Variants in PPARGC1A observed in about 807,000 individuals in gnomAD.
PPARGC1A encodes the protein PPARG coactivator 1 alpha.
A neutral mutation model predicts 88.7 loss-of-function variants in PPARGC1A; 25 were observed. That is an observed-to-expected ratio of 0.28 (90% CI 0.21 to 0.39). The LOEUF is 0.39. Among genes scored for constraint, PPARGC1A ranks in the 10% least tolerant of loss-of-function variants. PPARGC1A has a pLI of 1.00. For missense variants in PPARGC1A, 880 were observed against 968.7 expected, an observed-to-expected ratio of 0.91 and a Z score of 1.22; for synonymous variants, 363 against 355.6, an observed-to-expected ratio of 1.02 and a Z score of -0.24.
At chr4:24,163,966 C>T in the PPARGC1A span, among the ~76,000 whole-genome samples, 1 of 152,154 alleles carries the variant, frequency 6.6e-6, no homozygotes, top group East Asian at 1.9e-4. Flanking sequence ...ACTTCCACTG[C>T]CCTGCTTTCT....
At chr4:23,989,985 ATATG>A in the PPARGC1A span, among the ~76,000 whole-genome samples, 2 of 147,444 alleles carry the variant, frequency 1.4e-5, no homozygotes, top group East Asian at 2.0e-4. Flanking sequence ...ATATACATAT[ATATG>A]TATTTATATA....
chr4:23,934,226 G>A, the PPARGC1A span, among the ~76,000 whole-genome samples: 2 of 152,206 alleles, frequency 1.3e-5, no homozygotes, highest in Non-Finnish European at 2.9e-5. Context: ...CCTAGCATGT[G>A]AGTGTGATGA....
the PPARGC1A span, among the ~76,000 whole-genome samples, chr4:24,071,282 T>C: frequency 7.9e-5 from 12 of 152,170 alleles, no homozygotes; most frequent in Non-Finnish European, 1.8e-4. Flanking sequence ...ATTTCCTCTG[T>C]ATCACTATTA....
the PPARGC1A span, among the ~76,000 whole-genome samples, chr4:24,389,293 T>C: frequency 6.6e-6 from 1 of 152,138 alleles, no homozygotes; most frequent in East Asian, 1.9e-4. Context: ...CTGAACTTCT[T>C]AGCACCTATA....
intron 2 of PPARGC1A, among the ~76,000 whole-genome samples, chr4:23,858,262 A>G (rs1459038866): frequency 6.6e-6 from 1 of 152,156 alleles, no homozygotes; most frequent in Non-Finnish European, 1.5e-5. Context: ...AACCAACTAG[A>G]ACATAAGCTC....
At chr4:24,195,989 C>G in the PPARGC1A span, among the ~76,000 whole-genome samples, 111,424 of 152,134 alleles carry the variant, frequency 0.73, 42,504 homozygotes, top group Middle Eastern at 0.88. Context: ...AGAGACCACA[C>G]TAAATCTCTC....
At chr4:24,080,019 C>T in the PPARGC1A span, among the ~76,000 whole-genome samples, 89 of 151,990 alleles carry the variant, frequency 5.9e-4, 1 homozygote, top group African/African-American at 1.9e-3. Flanking sequence ...ATTTTTTTAA[C>T]TCTCTCATTA....
chr4:24,130,637 G>A, the PPARGC1A span, among the ~76,000 whole-genome samples: 2 of 152,118 alleles, frequency 1.3e-5, no homozygotes, highest in African/African-American at 4.8e-5. Flanking sequence ...CCTAGAAACC[G>A]CCCCACCAAG....
chr4:23,904,217 G>A (rs766067683), upstream of PPARGC1A: 1 of 180,796 alleles, frequency 5.5e-6, no homozygotes, highest in Non-Finnish European at 1.1e-5. Flanking sequence ...AGCCAGATAC[G>A]AACGTAAGAG....
chr4:24,015,145 G>C, the PPARGC1A span, among the ~76,000 whole-genome samples: 3 of 151,988 alleles, frequency 2.0e-5, no homozygotes, highest in Non-Finnish European at 2.9e-5. Context: ...TCATATTTAG[G>C]TCAACAGAAA....
chr4:24,414,021 G>T, the PPARGC1A span, among the ~76,000 whole-genome samples: 2 of 152,186 alleles, frequency 1.3e-5, no homozygotes, highest in East Asian at 1.9e-4. Context: ...ACCCACGGTT[G>T]TCGGTCTCCA....
chr4:24,348,316 G>C, the PPARGC1A span, among the ~76,000 whole-genome samples: 1 of 152,256 alleles, frequency 6.6e-6, no homozygotes, highest in Non-Finnish European at 1.5e-5. Context: ...AATTTCCCAG[G>C]TGTTCTTTGT....
At chr4:24,470,798 A>G in the PPARGC1A span, among the ~76,000 whole-genome samples, 1 of 151,134 alleles carries the variant, frequency 6.6e-6, no homozygotes, top group Admixed American at 6.6e-5. This position sits in a 1 kb window ranked among gnomAD's most constrained non-coding sequence, Gnocchi z 5.8. Context: ...AGCCTCTCCA[A>G]GGCTCCGGGC....
At chr4:24,235,088 A>G in the PPARGC1A span, among the ~76,000 whole-genome samples, 1 of 151,742 alleles carries the variant, frequency 6.6e-6, no homozygotes, top group Non-Finnish European at 1.5e-5. Flanking sequence ...TCAAGAAAAA[A>G]CTCCACTGGC....
chr4:24,138,039 C>T, the PPARGC1A span, among the ~76,000 whole-genome samples: 1 of 152,144 alleles, frequency 6.6e-6, no homozygotes, highest in African/African-American at 2.4e-5. Context: ...AAAACCAGGA[C>T]ACCAGAAGGC....
chr4:24,454,198 G>C, the PPARGC1A span, among the ~76,000 whole-genome samples: 2 of 151,166 alleles, frequency 1.3e-5, no homozygotes, highest in South Asian at 4.2e-4. Context: ...AGACATAAGT[G>C]AACCCAGCTG....
the PPARGC1A span, among the ~76,000 whole-genome samples, chr4:24,174,059 C>A: frequency 6.6e-6 from 1 of 152,192 alleles, no homozygotes; most frequent in African/African-American, 2.4e-5. Flanking sequence ...AGAAAGGCAG[C>A]TGAGCCACGC....
At chr4:23,900,955 T>C (rs1425837262), upstream of PPARGC1A, among the ~76,000 whole-genome samples, 1 of 152,224 alleles carries the variant, frequency 6.6e-6, no homozygotes, top group Non-Finnish European at 1.5e-5. Flanking sequence ...CTGGGTGCGG[T>C]GGCTCACGCC....
chr4:23,849,603 A>G (rs1343048661), intron 2 of PPARGC1A, among the ~76,000 whole-genome samples: 6 of 152,206 alleles, frequency 3.9e-5, no homozygotes, highest in African/African-American at 1.4e-4. Flanking sequence ...ATAAGGGAAG[A>G]AAAAATGGAT....
Sources: gnomAD v4.1 joint callset for allele counts (sites outside exome capture counted in the v4.1 genomes callset) on GRCh38, gnomAD v4.1.1 for gene constraint, Gnocchi (gnomAD v3.1) non-coding constraint, MANE v1.5 for transcripts, NCBI Gene and HGNC (gene_info 2026-07-23, HGNC 2026-07-21) for gene names.